Variants in SLC25A40 observed in about 807,000 individuals in gnomAD.
SLC25A40 encodes the protein solute carrier family 25 member 40.
A neutral mutation model predicts 46.5 loss-of-function variants in SLC25A40; 41 were observed. The ratio of observed to expected loss-of-function variants is 0.88; its 90% CI spans 0.69 to 1.14. The LOEUF is 1.14. SLC25A40 is among the 50% of genes most tolerant of loss of function. The pLI is 0.00. For missense variants in SLC25A40, 386 were observed against 393.6 expected, an observed-to-expected ratio of 0.98 and a Z score of 0.16; for synonymous variants, 126 against 127.5, an observed-to-expected ratio of 0.99 and a Z score of 0.08.
chr7:87,836,256 T>G lies in SLC25A40; in HGVS notation c.1010A>C (p.Gln337Pro), dbSNP rs201263895. 1 of 1,583,500 alleles carries G rather than the reference T, an allele frequency of 6.3e-7. No individual in the cohort carries two copies. The highest frequency in any genetic ancestry group is 2.3e-5 in the East Asian group (1 of 42,922). Residue 337 changes from glutamine to proline, a missense_variant, in exon 12 of 12, where the codon CAA becomes CCA. Gln to Pro is a moderately conservative substitution (Grantham distance 76). Coordinates refer to ENST00000341119, the MANE Select transcript of SLC25A40 (RefSeq NM_018843.4). ...CAAGTTGAAACAGCATCACTAGTAT[T>G]GCTGCCTTCGAACATTTTGTTTCTG... is the stretch of plus-strand genomic sequence containing the variant. Reference protein sequence around the residue: ...FFQKQNVRRQQY With the variant: ...FFQKQNVRRQPY
intron 8 of SLC25A40, among the ~76,000 whole-genome samples, chr7:87,845,569 A>G (rs1452139235): frequency 6.6e-6 from 1 of 152,062 alleles, no homozygotes; most frequent in Non-Finnish European, 1.5e-5. Flanking sequence ...CACAGGCACA[A>G]TTTTTCCAAT....
At chr7:87,859,834 A>G (rs1158401226) in intron 2 of SLC25A40, among the ~76,000 whole-genome samples, 1 of 151,960 alleles carries the variant, frequency 6.6e-6, no homozygotes, top group African/African-American at 2.4e-5. Context: ...ATACATATAT[A>G]TATTTTTGTA....
In SLC25A40 at chr7:87,862,779, A is replaced by C. The variant is rs918277385; in HGVS notation, c.-93-2139T>G. Among the ~76,000 whole-genome samples, 3 of 152,336 alleles carry C rather than the reference A, an allele frequency of 2.0e-5. No individual in the cohort carries two copies. The East Asian group carries it at 5.8e-4, about 29-fold the overall frequency. ...TTCCACATGCCTGGGGAGGCCTCACAATCATGGCAGAAGGTAAAAGGCAAG... is the reference window on the plus strand; with the variant it reads ...TTCCACATGCCTGGGGAGGCCTCACCATCATGGCAGAAGGTAAAAGGCAAG... On this transcript the variant is annotated intron_variant, in intron 1 of 11. Transcript: ENST00000341119.
At chr7:87,862,577 G>C (rs1307467859) in intron 1 of SLC25A40, among the ~76,000 whole-genome samples, 1 of 152,194 alleles carries the variant, frequency 6.6e-6, no homozygotes, top group Non-Finnish European at 1.5e-5. Context: ...CCAGAAGACA[G>C]AACACTATCT....
At chr7:87,868,103 C>A (rs1302387256) in intron 1 of SLC25A40, among the ~76,000 whole-genome samples, 1 of 152,158 alleles carries the variant, frequency 6.6e-6, no homozygotes, top group Non-Finnish European at 1.5e-5. Context: ...CCTTCAGGCA[C>A]TGCCAATGCT....
At chr7:87,847,203 TCA>T (rs1838435125) in intron 7 of SLC25A40, 81 bp from the exon 8 acceptor site, 3 of 1,065,328 alleles carry the variant, frequency 2.8e-6, no homozygotes, top group African/African-American at 1.6e-5. Context: ...AAATTAATAT[TCA>T]CAGATTTTAT....
intron 5 of SLC25A40, 110 bp downstream of exon 5, chr7:87,854,094 C>G: frequency 1.4e-6 from 1 of 735,080 alleles, no homozygotes; most frequent in Non-Finnish European, 2.3e-6. Context: ...AGAAGTAGTT[C>G]CCTGTTCTCA....
chr7:87,869,110 C>T (rs1297717729), intron 1 of SLC25A40, among the ~76,000 whole-genome samples: 1 of 152,136 alleles, frequency 6.6e-6, no homozygotes, highest in Middle Eastern at 3.2e-3. Context: ...TGAAAGCTGC[C>T]TCATCCTATT....
intron 3 of SLC25A40, among the ~76,000 whole-genome samples, chr7:87,857,414 G>C (rs1047019825): frequency 1.3e-5 from 2 of 152,126 alleles, no homozygotes; most frequent in Admixed American, 6.6e-5. Context: ...TGTATTCACC[G>C]TGAGAATGGC....
intron 8 of SLC25A40, 70 bp downstream of exon 8, chr7:87,846,879 T>C: frequency 7.7e-7 from 1 of 1,302,236 alleles, no homozygotes; most frequent in South Asian, 1.9e-5. Flanking sequence ...GTTAAAAATC[T>C]AGTGACAGTA....
In SLC25A40 at chr7:87,854,442, T is replaced by A. The variant is rs372549866; in HGVS notation, c.158-132A>T. ...GAGAAACAATCTTGAAAAAGATAAA[T>A]AAACATCTCTACTTTTTAGGATGAA... On this transcript the variant is annotated intron_variant, in intron 4 of 11. Coordinates refer to ENST00000341119, the MANE Select transcript of SLC25A40 (RefSeq NM_018843.4). The A allele has an allele frequency of 2.9e-4, 176 of 601,098 alleles. No homozygotes were observed. The African/African-American group carries it at 2.9e-3, about 10-fold the overall frequency. The allele number at this position is 601,098 out of a possible 1,614,324, so 37.2% of individuals were successfully genotyped here.
intron 9 of SLC25A40, chr7:87,842,040 T>A (rs779471038): frequency 2.0e-4 from 76 of 377,380 alleles, no homozygotes; most frequent in South Asian, 1.5e-3. Flanking sequence ...GTTCTATTAT[T>A]CCTTTACATC....
intron 5 of SLC25A40, among the ~76,000 whole-genome samples, chr7:87,853,947 C>A (rs1450937011): frequency 6.6e-6 from 1 of 152,076 alleles, no homozygotes; most frequent in Non-Finnish European, 1.5e-5. Flanking sequence ...GAAAAGGGTA[C>A]ATGAAATCTG....
intron 7 of SLC25A40, among the ~76,000 whole-genome samples, chr7:87,847,598 A>T (rs1838440881): frequency 6.6e-6 from 1 of 152,214 alleles, no homozygotes; most frequent in East Asian, 1.9e-4. Context: ...GGTAAATCAG[A>T]ACCAACTCTG....
chr7:87,871,761 CA>C lies in SLC25A40; in HGVS notation c.-94+4334del, dbSNP rs1838899440. 2.6e-5 allele frequency among the ~76,000 whole-genome samples: 4 copies of C among 152,064 alleles called. No homozygotes were observed. In the South Asian group the frequency reaches 8.3e-4, roughly 32 times the overall value. The stretch of plus-strand genomic sequence containing the variant: ...TCTATGTTTATTAGGGATGCTGATC[CA>C]TAATTTTTTGTATCATCTTTGCCTT... On this transcript the variant is annotated intron_variant, in intron 1 of 11. Transcript: ENST00000341119.
At chr7:87,837,591 T>C (rs1838274566) in intron 10 of SLC25A40, among the ~76,000 whole-genome samples, 1 of 151,340 alleles carries the variant, frequency 6.6e-6, no homozygotes, top group African/African-American at 2.4e-5. Context: ...CAAAAGTAGA[T>C]GTCACTGAAG....
At chr7:87,845,563 G>C (rs1469178478) in intron 8 of SLC25A40, among the ~76,000 whole-genome samples, 5 of 151,922 alleles carry the variant, frequency 3.3e-5, no homozygotes, top group Non-Finnish European at 7.4e-5. Flanking sequence ...CACACACACA[G>C]GCACAATTTT....
intron 1 of SLC25A40, among the ~76,000 whole-genome samples, chr7:87,863,381 C>T (rs1157365403): frequency 2.0e-5 from 3 of 151,808 alleles, no homozygotes; most frequent in Non-Finnish European, 4.4e-5. Flanking sequence ...AAGGGGCTTT[C>T]CCCCCTTTTG....
At chr7:87,868,914 C>A (rs1838849269) in intron 1 of SLC25A40, among the ~76,000 whole-genome samples, 1 of 152,142 alleles carries the variant, frequency 6.6e-6, no homozygotes, top group African/African-American at 2.4e-5. Context: ...TCTAATCATG[C>A]CTTCATTTTT....
Sources: allele counts gnomAD v4.1 joint callset (sites outside exome capture counted in the v4.1 genomes callset), GRCh38; gene constraint gnomAD v4.1.1; transcripts MANE v1.5; gene names NCBI Gene and HGNC (gene_info 2026-07-23, HGNC 2026-07-21).